BTBD8: variants seen among roughly 807,000 people sequenced by gnomAD.
The protein encoded by BTBD8 is BTB/POZ domain-containing protein 8.
BTBD8 carries 110 observed loss-of-function variants against 162.9 expected under a neutral mutation model. The ratio of observed to expected loss-of-function variants is 0.68; its 90% CI spans 0.58 to 0.79. BTBD8 has a LOEUF of 0.79. Ranked by LOEUF, BTBD8 falls within the 30% of genes least tolerant of loss-of-function variation. BTBD8 has a pLI of 0.00. For missense variants in BTBD8, 1,905 were observed against 2,085.4 expected (o/e 0.91, Z 1.68); for synonymous variants, 667 against 716.1 (o/e 0.93, Z 1.10).
In BTBD8 at chr1:92,177,554, T is replaced by A. The variant is rs1250348076; in HGVS notation, c.2353+8T>A. On this transcript the variant is annotated splice_region_variant and intron_variant, in intron 14 of 17. Transcript: ENST00000636805. ...TCAAAAATTCCACTGTAGGTGGGTT[T>A]TAGCACTGTAATTTTTAATATCTCC... The A allele has an allele frequency of 6.8e-7, 1 of 1,477,968 alleles. No homozygotes were observed. The highest frequency in any genetic ancestry group is 1.4e-5 in the African/African-American group (1 of 70,054). The allele number at this position is 1,477,968 out of a possible 1,614,324, so 91.6% of individuals were successfully genotyped here. A position where few individuals can be genotyped will look rare whatever the true frequency, so the allele number is the denominator to read the frequency against.
At chr1:92,125,748 G>A (rs1253160565) in intron 4 of BTBD8, 3 of 442,330 alleles carry the variant, frequency 6.8e-6, no homozygotes, top group Non-Finnish European at 1.3e-5. Flanking sequence ...ACATCTTGAT[G>A]ATAATGAGAG....
intron 9 of BTBD8, among the ~76,000 whole-genome samples, chr1:92,164,268 G>A (rs1310669817): frequency 6.6e-6 from 1 of 152,002 alleles, no homozygotes; most frequent in Non-Finnish European, 1.5e-5. Flanking sequence ...GGGAGGATCA[G>A]TTGAAGCCAA....
At chr1:92,122,262 A>T (rs1026297272) in intron 4 of BTBD8, among the ~76,000 whole-genome samples, 39 of 83,222 alleles carry the variant, frequency 4.7e-4, no homozygotes, top group African/African-American at 2.7e-3. Context: ...TATTATTATT[A>T]TTATTTTTTT....
intron 1 of BTBD8, among the ~76,000 whole-genome samples, chr1:92,084,198 C>T (rs920088689): frequency 2.6e-5 from 4 of 152,116 alleles, no homozygotes; most frequent in Non-Finnish European, 4.4e-5. Context: ...TTCATCTGTG[C>T]GGTAGTTTTC....
chr1:92,142,588 AAAG>A (rs1366336289), intron 7 of BTBD8, among the ~76,000 whole-genome samples: 2 of 152,192 alleles, frequency 1.3e-5, no homozygotes, highest in Non-Finnish European at 2.9e-5. Context: ...CATACAGAGA[AAAG>A]AAGTATGAGG....
chr1:92,115,247 C>T lies in BTBD8; in HGVS notation c.662+7246C>T, dbSNP rs184476487. The T allele has an allele frequency of 1.2e-5, 6 of 485,588 alleles. No individual in the cohort carries two copies. In the East Asian group the frequency reaches 3.0e-4, roughly 25 times the overall value. 30.1% of individuals were successfully genotyped at this position (485,588 alleles called of 1,614,324 possible). On this transcript the variant is annotated intron_variant, in intron 4 of 17. Coordinates refer to ENST00000636805, the MANE Select transcript of BTBD8 (RefSeq NM_001376131.1). Reference sequence around the variant, plus strand: ...CACAGTTTCCCAGAGGGGCCATCCACAGTCTTCTAGATGGCAGTGATGGCA... The same window carrying T: ...CACAGTTTCCCAGAGGGGCCATCCATAGTCTTCTAGATGGCAGTGATGGCA...
At chr1:92,176,750 G>T in intron 13 of BTBD8, 79 bp from the exon 14 acceptor site, 2 of 694,328 alleles carry the variant, frequency 2.9e-6, no homozygotes, top group Non-Finnish European at 4.3e-6. Flanking sequence ...TTCTTTGAAA[G>T]ACTGGCTTTT....
chr1:92,166,019 G>A (rs1312331797), intron 9 of BTBD8, among the ~76,000 whole-genome samples: 4 of 152,136 alleles, frequency 2.6e-5, no homozygotes, highest in African/African-American at 9.7e-5. Flanking sequence ...ATGAATAAGA[G>A]ACAGTAATAT....
intron 1 of BTBD8, among the ~76,000 whole-genome samples, chr1:92,088,129 A>T (rs956676401): frequency 6.6e-6 from 1 of 152,158 alleles, no homozygotes; most frequent in African/African-American, 2.4e-5. Flanking sequence ...GGGAGACTGG[A>T]AAAGAGAGTA....
intron 4 of BTBD8, among the ~76,000 whole-genome samples, chr1:92,119,972 C>T (rs1277285907): frequency 7.0e-6 from 1 of 143,438 alleles, no homozygotes; most frequent in Non-Finnish European, 1.5e-5. Context: ...GCTATCTTGG[C>T]TCGCTGCAAC....
intron 2 of BTBD8, among the ~76,000 whole-genome samples, chr1:92,101,935 C>G (rs1003711737): frequency 1.3e-5 from 2 of 152,120 alleles, no homozygotes; most frequent in Non-Finnish European, 2.9e-5. Flanking sequence ...TGAGCTCAAG[C>G]AATCCTCCTG....
intron 4 of BTBD8, chr1:92,125,432 G>A (rs1023555815): frequency 3.4e-6 from 1 of 295,600 alleles, no homozygotes; most frequent in Non-Finnish European, 6.6e-6. Context: ...TGCTCAACCC[G>A]AGGGACTAAT....
At chr1:92,163,469 A>G (rs901073662) in intron 9 of BTBD8, among the ~76,000 whole-genome samples, 1 of 151,902 alleles carries the variant, frequency 6.6e-6, no homozygotes, top group African/African-American at 2.4e-5. Flanking sequence ...GTATATGCAT[A>G]AAATAACTGG....
intron 9 of BTBD8, among the ~76,000 whole-genome samples, chr1:92,163,080 C>T (rs1168663631): frequency 2.6e-5 from 4 of 151,690 alleles, no homozygotes; most frequent in East Asian, 3.9e-4. Flanking sequence ...CAGGGCCAGG[C>T]GCGGTGGCTC....
intron 7 of BTBD8, among the ~76,000 whole-genome samples, chr1:92,146,847 A>C (rs571229747): frequency 1.3e-5 from 2 of 152,174 alleles, no homozygotes; most frequent in Admixed American, 6.5e-5. Context: ...TTATTTATCC[A>C]TTCATCTAGT....
At chr1:92,158,615 G>A (rs1467221537) in intron 9 of BTBD8, among the ~76,000 whole-genome samples, 11 of 152,138 alleles carry the variant, frequency 7.2e-5, no homozygotes, top group Admixed American at 5.9e-4. Flanking sequence ...TAGCTTATAT[G>A]CAAAAATTAA....
At chr1:92,084,833 C>G (rs1050109415) in intron 1 of BTBD8, among the ~76,000 whole-genome samples, 4 of 152,158 alleles carry the variant, frequency 2.6e-5, no homozygotes, top group African/African-American at 9.7e-5. Flanking sequence ...AGCTCTTTGC[C>G]TCTTATTCAT....
intron 9 of BTBD8, among the ~76,000 whole-genome samples, chr1:92,165,707 G>A (rs1424032982): frequency 1.3e-5 from 2 of 152,104 alleles, no homozygotes; most frequent in Admixed American, 6.5e-5. Context: ...GCATTCAGCT[G>A]GGGGCTGAGC....
chr1:92,110,762 C>T (rs762150824), intron 4 of BTBD8, among the ~76,000 whole-genome samples: 4 of 152,074 alleles, frequency 2.6e-5, no homozygotes, highest in Non-Finnish European at 5.9e-5. Context: ...CCAGGATGGT[C>T]TCGATCTCCT....
Sources: allele counts gnomAD v4.1 joint callset (sites outside exome capture counted in the v4.1 genomes callset), GRCh38; gene constraint gnomAD v4.1.1; transcripts MANE v1.5; gene names NCBI Gene and HGNC (gene_info 2026-07-23, HGNC 2026-07-21).